The following GMDS variants were observed in gnomAD, a reference collection of about 807,000 sequenced individuals.
The protein encoded by GMDS is GDP-mannose 4,6 dehydratase.
Under a neutral mutation model 49.9 loss-of-function variants are expected in GMDS, and 20 were observed. That is an observed-to-expected ratio of 0.40 (90% CI 0.28 to 0.58). The LOEUF (loss-of-function observed/expected upper bound fraction) is 0.58. Ranked by LOEUF, GMDS falls within the 20% of genes least tolerant of loss-of-function variation. The pLI is 0.42. For missense variants in GMDS, 362 were observed against 481.4 expected, an observed-to-expected ratio of 0.75 and a Z score of 2.32; for synonymous variants, 177 against 178.6, an observed-to-expected ratio of 0.99 and a Z score of 0.07.
At chr6:1,928,942 C>T (rs1762154934) in intron 7 of GMDS, among the ~76,000 whole-genome samples, 2 of 151,674 alleles carry the variant, frequency 1.3e-5, no homozygotes, top group African/African-American at 4.8e-5. Context: ...GCACTCTAGC[C>T]TGAGCAACAG....
At chr6:1,785,204 T>C (rs1283626128) in intron 7 of GMDS, among the ~76,000 whole-genome samples, 2 of 152,232 alleles carry the variant, frequency 1.3e-5, no homozygotes, top group East Asian at 3.8e-4. Context: ...TGTCTTGCTA[T>C]AACAAATCTA....
At chr6:2,082,915 C>T (rs774227164) in intron 4 of GMDS, among the ~76,000 whole-genome samples, 1 of 152,230 alleles carries the variant, frequency 6.6e-6, no homozygotes, top group Non-Finnish European at 1.5e-5. Flanking sequence ...GTAAGTTACA[C>T]ACCTTGGTAC....
intron 5 of GMDS, 27 bp downstream of exon 5, chr6:1,960,747 T>G (rs1278904473): frequency 6.9e-7 from 1 of 1,453,440 alleles, no homozygotes; most frequent in South Asian, 1.3e-5. Flanking sequence ...GCCACACATG[T>G]GCTCCGGTGT....
intron 1 of GMDS, among the ~76,000 whole-genome samples, chr6:2,195,166 T>C (rs1779224533): frequency 6.6e-6 from 1 of 152,130 alleles, no homozygotes. Flanking sequence ...AGACTTAGTA[T>C]AAAGAAAAAA....
At chr6:1,761,255 G>C (rs1768143486) in intron 7 of GMDS, among the ~76,000 whole-genome samples, 1 of 152,106 alleles carries the variant, frequency 6.6e-6, no homozygotes. Flanking sequence ...CTTAATTCTA[G>C]ATGAAATCTG....
chr6:2,037,416 G>A (rs1769367350), intron 4 of GMDS, among the ~76,000 whole-genome samples: 2 of 152,190 alleles, frequency 1.3e-5, no homozygotes, highest in South Asian at 4.1e-4. Flanking sequence ...CTAGTCAGCT[G>A]TGCATGGGGG....
At chr6:2,004,592 A>T (rs1320064901) in intron 4 of GMDS, among the ~76,000 whole-genome samples, 4 of 152,188 alleles carry the variant, frequency 2.6e-5, no homozygotes, top group African/African-American at 9.7e-5. Context: ...ATACAAAGAC[A>T]CATCCCCTGG....
intron 4 of GMDS, among the ~76,000 whole-genome samples, chr6:2,078,514 CTTAA>C (rs748630909): frequency 6.6e-6 from 1 of 152,104 alleles, no homozygotes; most frequent in East Asian, 1.9e-4. Flanking sequence ...TTCTTAATTT[CTTAA>C]TTGATCTAAT....
In GMDS at chr6:1,767,052, T is replaced by C. The variant is rs1325635358; in HGVS notation, c.772-24466A>G. 3.3e-5 allele frequency among the ~76,000 whole-genome samples: 5 copies of C among 152,232 alleles called. No homozygotes were observed. In the South Asian group the frequency reaches 1.0e-3, roughly 32 times the overall value. On this transcript the variant is annotated intron_variant, in intron 7 of 10. Coordinates refer to ENST00000380815, the MANE Select transcript of GMDS (RefSeq NM_001500.4). ...AGTAGAAAATGAAATGAACAAACTA[T>C]AAAATGTAGCTCCTTAGATTTGTTT...
chr6:2,174,157 T>C (rs1219087851), intron 1 of GMDS, among the ~76,000 whole-genome samples: 7 of 152,212 alleles, frequency 4.6e-5, no homozygotes, highest in Non-Finnish European at 1.5e-5. Flanking sequence ...GTGTGCAAGG[T>C]TCTGTGCTTA....
chr6:1,999,969 ATTATATATATATT>A (rs1766604304), intron 4 of GMDS, among the ~76,000 whole-genome samples: 4 of 10,900 alleles, frequency 3.7e-4, no homozygotes, highest in African/African-American at 9.4e-4. Context: ...TTATATATAT[ATTATATATATATT>A]TTATATATAT....
At chr6:1,649,822 T>C (rs1763595929) in intron 9 of GMDS, among the ~76,000 whole-genome samples, 2 of 152,218 alleles carry the variant, frequency 1.3e-5, no homozygotes, top group Admixed American at 6.5e-5. Context: ...TTAGATATCA[T>C]GCTCCTGACA....
At chr6:1,900,583 C>T (rs1480082281) in intron 7 of GMDS, among the ~76,000 whole-genome samples, 1 of 152,214 alleles carries the variant, frequency 6.6e-6, no homozygotes, top group Non-Finnish European at 1.5e-5. Context: ...ATATCACAAG[C>T]ACATGGCTTG....
At chr6:1,767,415 A>C (rs1397030140) in intron 7 of GMDS, among the ~76,000 whole-genome samples, 1 of 152,220 alleles carries the variant, frequency 6.6e-6, no homozygotes, top group African/African-American at 2.4e-5. Flanking sequence ...ATGGCCAAGC[A>C]AAGTCAAGTT....
intron 7 of GMDS, among the ~76,000 whole-genome samples, chr6:1,880,796 C>T (rs1364506593): frequency 6.6e-6 from 1 of 152,084 alleles, no homozygotes; most frequent in African/African-American, 2.4e-5. Context: ...GAAACAATGG[C>T]CTTATGTTCC....
intron 7 of GMDS, among the ~76,000 whole-genome samples, chr6:1,854,039 G>C (rs1757833957): frequency 6.6e-6 from 1 of 152,134 alleles, no homozygotes; most frequent in Non-Finnish European, 1.5e-5. Context: ...GGCAGCTAAG[G>C]TTGTGTCAGC....
At chr6:2,158,810 C>A (rs556899579) in intron 1 of GMDS, among the ~76,000 whole-genome samples, 36 of 152,190 alleles carry the variant, frequency 2.4e-4, no homozygotes, top group Non-Finnish European at 4.4e-4. Context: ...CTTTGCCAAC[C>A]GGCATCAATG....
At chr6:1,769,715 T>G (rs892501219) in intron 7 of GMDS, among the ~76,000 whole-genome samples, 2 of 152,166 alleles carry the variant, frequency 1.3e-5, no homozygotes, top group African/African-American at 2.4e-5. Context: ...TTTTATTTTT[T>G]TTTTTGAGAC....
chr6:1,785,735 T>A (rs1055613920), intron 7 of GMDS, among the ~76,000 whole-genome samples: 1 of 152,138 alleles, frequency 6.6e-6, no homozygotes, highest in Non-Finnish European at 1.5e-5. Flanking sequence ...CTGATGGGGG[T>A]AGCAAGGCTC....
Sources: gnomAD v4.1 joint callset for allele counts (sites outside exome capture counted in the v4.1 genomes callset) on GRCh38, gnomAD v4.1.1 for gene constraint, MANE v1.5 for transcripts, NCBI Gene and HGNC (gene_info 2026-07-23, HGNC 2026-07-21) for gene names.